FAM53A: variants seen among roughly 807,000 people sequenced by gnomAD.
FAM53A encodes protein FAM53A.
In FAM53A, 28 loss-of-function variants were observed where a neutral mutation model predicts 26.6. The ratio of observed to expected loss-of-function variants is 1.05; its 90% CI spans 0.78 to 1.45. The LOEUF is 1.45. Among genes scored for constraint, FAM53A ranks in the 40% most tolerant of loss-of-function variants. FAM53A has a pLI of 0.00. For missense variants in FAM53A, 650 were observed against 575.8 expected (o/e 1.13, Z -1.32); for synonymous variants, 290 against 253.1 (o/e 1.15, Z -1.38).
chr4:1,607,371 A>G, the FAM53A span, among the ~76,000 whole-genome samples: 6 of 149,950 alleles, frequency 4.0e-5, no homozygotes, highest in African/African-American at 1.5e-4. Flanking sequence ...GTCTCATTCC[A>G]GTTTTTATTC....
At chr4:1,683,254 C>T (rs1715580300) in intron 1 of FAM53A, among the ~76,000 whole-genome samples, 1 of 152,164 alleles carries the variant, frequency 6.6e-6, no homozygotes, top group African/African-American at 2.4e-5. Context: ...AAACCGTTTC[C>T]CAGCCTACCT....
At chr4:1,588,526 A>G in the FAM53A span, among the ~76,000 whole-genome samples, 1 of 152,214 alleles carries the variant, frequency 6.6e-6, no homozygotes. Flanking sequence ...CTGCTGTGTC[A>G]TGAGGACATC....
In FAM53A at chr4:1,641,138, G is replaced by A. The variant is rs1393483923; in HGVS notation, c.*155C>T. The A allele has an allele frequency of 4.6e-5, 28 of 610,952 alleles. No homozygotes were observed. The highest frequency in any genetic ancestry group is 2.8e-4 in the African/African-American group (13 of 45,968). 37.8% of individuals were successfully genotyped at this position (610,952 alleles called of 1,614,324 possible). On this transcript the variant is annotated 3_prime_UTR_variant, in exon 5 of 5. Transcript: ENST00000308132. ...TACTCTGTGCCCCAGGGCAGGTGCC[G>A]GCGGCAGCCGTGGCCCCGACCAGCT...
At chr4:1,607,924 G>A in the FAM53A span, among the ~76,000 whole-genome samples, 1 of 143,944 alleles carries the variant, frequency 6.9e-6, no homozygotes, top group Non-Finnish European at 1.5e-5. Flanking sequence ...TGGGCAAAAA[G>A]AGTGAGACTC....
intron 2 of FAM53A, among the ~76,000 whole-genome samples, chr4:1,667,630 C>G: frequency 6.6e-6 from 1 of 152,194 alleles, no homozygotes; most frequent in African/African-American, 2.4e-5. Context: ...CTGGAACCCC[C>G]TGCGGTGAAG....
the FAM53A span, among the ~76,000 whole-genome samples, chr4:1,599,937 T>A: frequency 6.8e-6 from 1 of 146,144 alleles, no homozygotes; most frequent in Non-Finnish European, 1.5e-5. This position sits in a 1 kb window ranked among gnomAD's most constrained non-coding sequence, Gnocchi z 6.1. Flanking sequence ...TCCTATTTCC[T>A]CTCCTCCCCC....
At chr4:1,590,618 G>A in the FAM53A span, among the ~76,000 whole-genome samples, 1 of 151,958 alleles carries the variant, frequency 6.6e-6, no homozygotes, top group African/African-American at 2.4e-5. Context: ...GTGTATGTGT[G>A]AAGCCATCCG....
intron 1 of FAM53A, among the ~76,000 whole-genome samples, chr4:1,622,213 C>T (rs766749522): frequency 7.9e-5 from 12 of 152,300 alleles, no homozygotes; most frequent in East Asian, 3.9e-4. Context: ...AGGCAGGACC[C>T]GGAGTCACAT....
chr4:1,640,139 A>T lies in FAM53A; in HGVS notation c.*1154T>A, dbSNP rs1465707566. On this transcript the variant is annotated 3_prime_UTR_variant, in exon 5 of 5. Transcript: ENST00000308132. ...AGGACAGCCTTCCCAGAGGTCTGGC[A>T]CTACACCCCACCTGAAGGTGCAAGG... The T allele has an allele frequency of 6.4e-6, 1 of 156,230 alleles. No homozygotes were observed. The highest frequency in any genetic ancestry group is 2.4e-5 in the African/African-American group (1 of 41,492). 9.7% of individuals were successfully genotyped at this position (156,230 alleles called of 1,614,324 possible).
At chr4:1,580,633 C>T in the FAM53A span, among the ~76,000 whole-genome samples, 10 of 147,008 alleles carry the variant, frequency 6.8e-5, no homozygotes, top group Non-Finnish European at 1.2e-4. Flanking sequence ...CCAGGCCCTG[C>T]CCCCAACTCA....
chr4:1,628,796 TG>T (rs1238579447), intron 1 of FAM53A, among the ~76,000 whole-genome samples: 1 of 7,600 alleles, frequency 1.3e-4, no homozygotes, highest in Non-Finnish European at 2.4e-4. Flanking sequence ...GAGGGTGCCA[TG>T]GGGGGAGGGT....
chr4:1,633,874 G>T (rs567968593), intron 1 of FAM53A, among the ~76,000 whole-genome samples: 2 of 152,022 alleles, frequency 1.3e-5, no homozygotes, highest in South Asian at 2.1e-4. Flanking sequence ...ATCCATAACT[G>T]CAGGAAAAGA....
At chr4:1,602,435 G>A in the FAM53A span, among the ~76,000 whole-genome samples, 1 of 152,264 alleles carries the variant, frequency 6.6e-6, no homozygotes, top group Non-Finnish European at 1.5e-5. Context: ...AAATGAAATG[G>A]TGTCTGCCTG....
At chr4:1,626,685 C>G (rs1405314968) in intron 1 of FAM53A, among the ~76,000 whole-genome samples, 1 of 151,900 alleles carries the variant, frequency 6.6e-6, no homozygotes, top group Admixed American at 6.6e-5. Context: ...CCGGGGAGGA[C>G]CCGGGACAGT....
rs1208520463 is a variant in FAM53A at position 1,651,991 on chromosome 4, CTCACACACACACCACACACG to C, written c.882+2967_882+2986del. Among the ~76,000 whole-genome samples the C allele has an allele frequency of 1.9e-3, 261 of 140,412 alleles. 4 individuals carry two copies. Among genetic ancestry groups the C allele is most frequent in the East Asian group, 6.1e-4 (3 of 4,902 alleles). The allele number at this position is 140,412 out of a possible 152,430, so 92.1% of individuals were successfully genotyped here. On this transcript the variant is annotated intron_variant, in intron 4 of 4. Transcript: ENST00000308132. ...ATGCACGCACACACCACACGCACACCTCACACACACACCACACACGTCACACACACACCACACACGCCACA... is the reference window on the plus strand; with the variant it reads ...ATGCACGCACACACCACACGCACACCTCACACACACACCACACACGCCACA...
chr4:1,585,298 T>A, the FAM53A span, among the ~76,000 whole-genome samples: 20 of 104,938 alleles, frequency 1.9e-4, no homozygotes, highest in East Asian at 5.3e-4. Flanking sequence ...TTTTTTTTTT[T>A]TGGAGACAGA....
At chr4:1,586,592 G>C in the FAM53A span, among the ~76,000 whole-genome samples, 2 of 151,572 alleles carry the variant, frequency 1.3e-5, no homozygotes, top group Non-Finnish European at 2.9e-5. Flanking sequence ...TGGCTAACAC[G>C]GTGAAACCCT....
chr4:1,590,967 T>TAC, the FAM53A span, among the ~76,000 whole-genome samples: 70 of 102,782 alleles, frequency 6.8e-4, 1 homozygote, highest in African/African-American at 3.5e-3. Flanking sequence ...TATATATATA[T>TAC]ATATATATAT....
At chr4:1,608,274 AC>A in the FAM53A span, among the ~76,000 whole-genome samples, 6 of 151,154 alleles carry the variant, frequency 4.0e-5, no homozygotes, top group Non-Finnish European at 7.4e-5. Flanking sequence ...GCACCCTGAG[AC>A]CCCCACCCCA....
Sources: allele counts gnomAD v4.1 joint callset (sites outside exome capture counted in the v4.1 genomes callset), GRCh38; gene constraint gnomAD v4.1.1; non-coding constraint Gnocchi (gnomAD v3.1); transcripts MANE v1.5; gene names NCBI Gene and HGNC (gene_info 2026-07-23, HGNC 2026-07-21).